The following B4GALNT3 variants were observed in gnomAD, a reference collection of about 807,000 sequenced individuals.
The protein encoded by B4GALNT3 is beta-1,4-N-acetyl-galactosaminyltransferase 3.
In B4GALNT3, 86 loss-of-function variants were observed where a neutral mutation model predicts 120.2. That is an observed-to-expected ratio of 0.72 (90% confidence interval 0.60 to 0.86). The LOEUF is 0.86. Ranked by LOEUF, B4GALNT3 falls within the 40% of genes least tolerant of loss-of-function variation. B4GALNT3 has a pLI of 0.00. For synonymous variants in B4GALNT3, 518 were observed against 510.4 expected (o/e 1.01, Z -0.20); for missense variants, 1,167 against 1,298.9 (o/e 0.90, Z 1.56).
At chr12:530,578 T>C (rs551270960) in intron 1 of B4GALNT3, among the ~76,000 whole-genome samples, 1 of 152,322 alleles carries the variant, frequency 6.6e-6, no homozygotes, top group Admixed American at 6.5e-5. Flanking sequence ...CTTATTATGT[T>C]CTGGGTAATA....
intron 1 of B4GALNT3, among the ~76,000 whole-genome samples, chr12:479,794 C>T (rs186428072): frequency 6.0e-5 from 9 of 151,032 alleles, no homozygotes; most frequent in Admixed American, 2.6e-4. Context: ...CTTTAGTGGT[C>T]GGGTGATTTC....
intron 1 of B4GALNT3, among the ~76,000 whole-genome samples, chr12:518,482 G>C (rs767815941): frequency 7.2e-5 from 11 of 152,108 alleles, no homozygotes; most frequent in Non-Finnish European, 1.2e-4. Context: ...GGTGATCATA[G>C]CTCACTGCAG....
At chr12:543,148 C>G (rs1382067907) in intron 3 of B4GALNT3, 1 of 1,289,350 alleles carries the variant, frequency 7.8e-7, no homozygotes, top group South Asian at 1.2e-5. Flanking sequence ...TGTGTGTGTG[C>G]ATGGCCAGAG....
chr12:507,547 G>T (rs1946510129), intron 1 of B4GALNT3, among the ~76,000 whole-genome samples: 1 of 152,166 alleles, frequency 6.6e-6, no homozygotes, highest in Non-Finnish European at 1.5e-5. Context: ...CGTGGCCTGG[G>T]GCACTGCTGT....
chr12:531,679 AGAGTCAGAGAGATACT>A (rs1255385753), intron 1 of B4GALNT3, among the ~76,000 whole-genome samples: 3 of 152,130 alleles, frequency 2.0e-5, no homozygotes, highest in Non-Finnish European at 2.9e-5. Context: ...TAGAGGGAAA[AGAGTCAGAGAGATACT>A]GAGTATTTTT....
chr12:462,941 G>T (rs1258394734), intron 1 of B4GALNT3, among the ~76,000 whole-genome samples: 5 of 152,150 alleles, frequency 3.3e-5, no homozygotes, highest in Non-Finnish European at 7.4e-5. Context: ...GGAGAGGTGG[G>T]AAGGGGGTTG....
At chr12:493,289 A>C (rs1008945287) in intron 1 of B4GALNT3, among the ~76,000 whole-genome samples, 16 of 152,262 alleles carry the variant, frequency 1.1e-4, no homozygotes, top group Admixed American at 1.0e-3. Context: ...AGAAGATATA[A>C]ACATAGCAAG....
chr12:558,633 T>C lies in B4GALNT3; in HGVS notation c.2733T>C (p.His911=), dbSNP rs773202925. ...MAFAPMVMRL[H]CGATPQWPEG... ...TTGCCCCCATGGTGATGAGGCTGCA[T>C]TGTGGGGCCACCCCCCAGTGGCCTG... Residue 911 remains histidine, a synonymous_variant, in exon 18 of 20, where the codon CAT becomes CAC. Transcript: ENST00000266383. 4.0e-5 allele frequency: 64 copies of C among 1,613,990 alleles called. No homozygotes were observed. The highest frequency in any genetic ancestry group is 5.1e-5 in the Non-Finnish European group (60 of 1,179,964).
intron 1 of B4GALNT3, among the ~76,000 whole-genome samples, chr12:480,308 T>C (rs1170890504): frequency 3.3e-5 from 5 of 152,194 alleles, no homozygotes; most frequent in African/African-American, 4.8e-5. Context: ...AGAATACTCT[T>C]GTGGGATTCA....
rs184819670 is a variant in B4GALNT3, at chr12:534,877, G to A, written c.170-289G>A. On this transcript the variant is annotated intron_variant, in intron 1 of 19. Coordinates refer to ENST00000266383, the MANE Select transcript of B4GALNT3 (RefSeq NM_173593.4). ...CCTCCAGAGGCAGCCGGGGGAGAAC[G>A]AGCTGGTAGTGGGAGGCCCGTGGTC... Among the ~76,000 whole-genome samples the A allele has an allele frequency of 4.6e-5, 7 of 152,324 alleles. No individual in the cohort carries two copies. In the South Asian group the frequency reaches 8.3e-4, roughly 18 times the overall value.
At chr12:464,625 C>CTACTTAAAAAAAAAAAATGGTT (rs1946058863) in intron 1 of B4GALNT3, among the ~76,000 whole-genome samples, 2 of 118,028 alleles carry the variant, frequency 1.7e-5, no homozygotes, top group Admixed American at 8.4e-5. Context: ...GAGCGAGACT[C>CTACTTAAAAAAAAAAAATGGTT]TACTTAAAAA....
chr12:518,641 C>G (rs556918775), intron 1 of B4GALNT3, among the ~76,000 whole-genome samples: 1 of 152,226 alleles, frequency 6.6e-6, no homozygotes, highest in South Asian at 2.1e-4. Flanking sequence ...TCTAAGCTAT[C>G]CTCCCACCTC....
At chr12:530,630 G>C (rs1946797285) in intron 1 of B4GALNT3, among the ~76,000 whole-genome samples, 1 of 152,212 alleles carries the variant, frequency 6.6e-6, no homozygotes, top group Non-Finnish European at 1.5e-5. Context: ...GTGGCCTTGA[G>C]CGGATGACTT....
intron 1 of B4GALNT3, among the ~76,000 whole-genome samples, chr12:478,086 C>CA: frequency 6.6e-6 from 1 of 151,838 alleles, no homozygotes; most frequent in Non-Finnish European, 1.5e-5. Flanking sequence ...CCCATCTCTA[C>CA]AAAAAATTTA....
chr12:520,243 T>G (rs1386269514), intron 1 of B4GALNT3, among the ~76,000 whole-genome samples: 1 of 152,212 alleles, frequency 6.6e-6, no homozygotes, highest in African/African-American at 2.4e-5. Context: ...ATACATGGGT[T>G]AGATAGAGTT....
In B4GALNT3 at chr12:548,997, C is replaced by T. The variant is rs1312117953; in HGVS notation, c.853+700C>T. 6.6e-6 allele frequency among the ~76,000 whole-genome samples: 1 copy of T among 152,186 alleles called. No homozygotes were observed. The highest frequency in any genetic ancestry group is 2.4e-5 in the African/African-American group (1 of 41,434). On this transcript the variant is annotated intron_variant, in intron 9 of 19. Coordinates refer to ENST00000266383, the MANE Select transcript of B4GALNT3 (RefSeq NM_173593.4). The surrounding 1 kb of genome is among the most constrained non-coding windows in gnomAD (Gnocchi z 4.9). Reference sequence around the variant, plus strand: ...ACCACGGTTCTTGCAAAGCCATGGCCAGGGCAGAGGAAACCTGTTCACCTG... The same window carrying T: ...ACCACGGTTCTTGCAAAGCCATGGCTAGGGCAGAGGAAACCTGTTCACCTG...
chr12:540,029 C>T (rs1301708068), intron 3 of B4GALNT3, among the ~76,000 whole-genome samples: 1 of 152,174 alleles, frequency 6.6e-6, no homozygotes, highest in Non-Finnish European at 1.5e-5. Context: ...CGGGGGAGGC[C>T]CCACTGCCGC....
chr12:504,059 G>A (rs1164804720), intron 1 of B4GALNT3, among the ~76,000 whole-genome samples: 1 of 151,716 alleles, frequency 6.6e-6, no homozygotes, highest in Non-Finnish European at 1.5e-5. Flanking sequence ...AGGTTACAGT[G>A]AGCCGAGATC....
In B4GALNT3 at chr12:481,237, A is replaced by C. The variant is rs1037713731; in HGVS notation, c.169+20692A>C. Among the ~76,000 whole-genome samples, 3 of 152,196 alleles carry C rather than the reference A, an allele frequency of 2.0e-5. No individual in the cohort carries two copies. The East Asian group carries it at 5.8e-4, about 29-fold the overall frequency. On this transcript the variant is annotated intron_variant, in intron 1 of 19. Coordinates refer to ENST00000266383, the MANE Select transcript of B4GALNT3 (RefSeq NM_173593.4). ...CTCCCAGGGTCACTGGCTTAGGTCA[A>C]CTAAGGGGATGAGCATCCCCGTGGC...
Sources: gnomAD v4.1 joint callset for allele counts (sites outside exome capture counted in the v4.1 genomes callset) on GRCh38, gnomAD v4.1.1 for gene constraint, Gnocchi (gnomAD v3.1) non-coding constraint, MANE v1.5 for transcripts, NCBI Gene and HGNC (gene_info 2026-07-23, HGNC 2026-07-21) for gene names.